The following BIRC6 variants were observed in gnomAD, a reference collection of about 807,000 sequenced individuals.
BIRC6 encodes the protein dual E2 ubiquitin-conjugating enzyme/E3 ubiquitin-protein ligase BIRC6.
In BIRC6, 98 loss-of-function variants were observed where a neutral mutation model predicts 503.3. The ratio of observed to expected loss-of-function variants is 0.19; its 90% CI spans 0.17 to 0.23. BIRC6 has a LOEUF of 0.23. Among genes scored for constraint, BIRC6 ranks in the 10% least tolerant of loss-of-function variants. BIRC6 has a pLI of 1.00. For synonymous variants in BIRC6, 2,240 were observed against 2,078.7 expected (o/e 1.08, Z -2.11); for missense variants, 5,360 against 5,806.0 (o/e 0.92, Z 2.50).
At chr2:32,471,324 C>T (rs1319445878) in intron 32 of BIRC6, among the ~76,000 whole-genome samples, 200 bp downstream of exon 32, 2 of 152,208 alleles carry the variant, frequency 1.3e-5, no homozygotes, top group African/African-American at 2.4e-5. Context: ...ACTTTATAGA[C>T]AAGCTCCTTT....
chr2:32,432,906 TGATA>T lies in BIRC6; in HGVS notation c.3249-734_3249-731del, dbSNP rs560896671. ...ATGATGGTTGTGGTGGGGAGGGCAG[TGATA>T]GATTGGTTTTAGTTTGGTTGCTGTT... On this transcript the variant is annotated intron_variant, in intron 12 of 73. Transcript: ENST00000421745. Among the ~76,000 whole-genome samples the T allele has an allele frequency of 7.3e-3, 1,109 of 152,248 alleles. 7 individuals carry two copies. Among genetic ancestry groups the T allele is most frequent in the Middle Eastern group, 0.014 (4 of 294 alleles).
intron 14 of BIRC6, 46 bp downstream of exon 14, chr2:32,435,631 G>C: frequency 6.6e-7 from 1 of 1,520,512 alleles, no homozygotes; most frequent in Non-Finnish European, 8.8e-7. Context: ...AAAAGGAGTA[G>C]TGATCTGAAT....
Position 32,503,173 on chromosome 2 carries a change from A to C in BIRC6, c.9436A>C (p.Lys3146Gln). 6.2e-7 allele frequency: 1 copy of C among 1,613,302 alleles called. No individual in the cohort carries two copies. The highest frequency in any genetic ancestry group is 8.5e-7 in the Non-Finnish European group (1 of 1,179,644). ...GPNKAVDSTL[K>Q]TRILASEPDN... ...AAATAAAGCTGTTGACAGCACATTGAAAACAAGAATACTAGCTTCTGAGCC... is the reference window on the plus strand; with the variant it reads ...AAATAAAGCTGTTGACAGCACATTGCAAACAAGAATACTAGCTTCTGAGCC... The change falls in exon 49 of 74, where the codon AAA becomes CAA. Residue 3146 changes from lysine (K) to glutamine (Q), a missense_variant. Coordinates refer to ENST00000421745, the MANE Select transcript of BIRC6 (RefSeq NM_016252.4).
At chr2:32,524,015 G>A (rs535906114) in intron 57 of BIRC6, among the ~76,000 whole-genome samples, 1 of 149,688 alleles carries the variant, frequency 6.7e-6, no homozygotes, top group Non-Finnish European at 1.5e-5. Context: ...CTGCACTCCA[G>A]CCTGGGCAAC....
At chr2:32,388,634 TGAA>T in intron 3 of BIRC6, 113 bp from the exon 4 acceptor site, 1 of 714,352 alleles carries the variant, frequency 1.4e-6, no homozygotes, top group Non-Finnish European at 2.1e-6. Context: ...GATAAACTAA[TGAA>T]GAAAACTGAC....
chr2:32,485,315 A>T (rs1257112692), intron 39 of BIRC6, among the ~76,000 whole-genome samples: 2 of 152,174 alleles, frequency 1.3e-5, no homozygotes, highest in Non-Finnish European at 2.9e-5. Flanking sequence ...CATAGGGTTC[A>T]TTTTAGCTTT....
At chr2:32,391,100 G>C (rs1304927552) in intron 4 of BIRC6, among the ~76,000 whole-genome samples, 2 of 152,224 alleles carry the variant, frequency 1.3e-5, no homozygotes, top group African/African-American at 4.8e-5. Flanking sequence ...GATTATAAAA[G>C]AGTCAGCTCT....
At chr2:32,479,183 A>T (rs147312475) in intron 36 of BIRC6, among the ~76,000 whole-genome samples, 2 of 152,150 alleles carry the variant, frequency 1.3e-5, no homozygotes, top group African/African-American at 4.8e-5. Flanking sequence ...TCTTTGTATA[A>T]GGTTGTTTTT....
At chr2:32,358,049 T>C (rs992695619) in intron 1 of BIRC6, among the ~76,000 whole-genome samples, 1 of 6,814 alleles carries the variant, frequency 1.5e-4, no homozygotes, top group Admixed American at 1.8e-3. Flanking sequence ...GGGGTGGGGG[T>C]GGGGTGGGTC....
intron 55 of BIRC6, among the ~76,000 whole-genome samples, chr2:32,517,601 ATC>A (rs1476253633): frequency 2.0e-5 from 3 of 152,028 alleles, no homozygotes; most frequent in Non-Finnish European, 2.9e-5. Context: ...GTGGGGCAGG[ATC>A]TCTCTCTGTT....
intron 37 of BIRC6, among the ~76,000 whole-genome samples, chr2:32,480,892 G>A (rs987311330): frequency 2.6e-5 from 4 of 151,688 alleles, no homozygotes; most frequent in African/African-American, 9.7e-5. Flanking sequence ...TACCTGCCTC[G>A]GCCTCCCAAA....
intron 39 of BIRC6, among the ~76,000 whole-genome samples, chr2:32,483,808 C>T (rs142969626): frequency 9.4e-4 from 142 of 151,426 alleles, no homozygotes; most frequent in African/African-American, 3.4e-3. Flanking sequence ...AATAATGCTC[C>T]CCCCCAACAT....
chr2:32,546,771 G>A (rs2058080135), intron 63 of BIRC6, among the ~76,000 whole-genome samples: 1 of 151,838 alleles, frequency 6.6e-6, no homozygotes, highest in South Asian at 2.1e-4. Context: ...TGAAAAATAT[G>A]TATAATACCT....
Position 32,468,061 on chromosome 2 carries a change from T to A in BIRC6, c.5730T>A (p.Ile1910=), listed in dbSNP as rs2048743446. 1 of 1,613,936 alleles carries A rather than the reference T, an allele frequency of 6.2e-7. No individual in the cohort carries two copies. The highest frequency in any genetic ancestry group is 8.5e-7 in the Non-Finnish European group (1 of 1,179,874). The change falls in exon 28 of 74, where the codon ATT becomes ATA. Residue 1910 remains isoleucine (I), a synonymous_variant. Transcript: ENST00000421745. ...GEGESANQPE[I]DQHLAMMVAL... is the part of the protein sequence containing the mutation. ...GAGAATCTGCAAACCAGCCAGAAATTGACCAGCATTTAGCAATGATGGTTG... is the reference window on the plus strand; with the variant it reads ...GAGAATCTGCAAACCAGCCAGAAATAGACCAGCATTTAGCAATGATGGTTG...
intron 55 of BIRC6, among the ~76,000 whole-genome samples, chr2:32,516,282 G>C (rs1384615388): frequency 1.3e-5 from 2 of 152,172 alleles, no homozygotes. Context: ...GGGAGGCTGA[G>C]GCGGGCAGAT....
intron 65 of BIRC6, among the ~76,000 whole-genome samples, chr2:32,572,418 T>G (rs1234680641): frequency 6.6e-6 from 1 of 152,212 alleles, no homozygotes; most frequent in Non-Finnish European, 1.5e-5. Context: ...AAAACAGTAT[T>G]GTATTGAACA....
intron 53 of BIRC6, among the ~76,000 whole-genome samples, chr2:32,511,372 C>T (rs1553474201): frequency 1.3e-5 from 2 of 151,000 alleles, no homozygotes; most frequent in South Asian, 4.2e-4. Flanking sequence ...CGCAGTGGTG[C>T]AATCTTGGCT....
In BIRC6 at chr2:32,545,466, C is replaced by T. The variant is rs528351217; in HGVS notation, c.12593-177C>T. Among the ~76,000 whole-genome samples the T allele has an allele frequency of 3.3e-5, 5 of 152,120 alleles. No individual in the cohort carries two copies. In the East Asian group the frequency reaches 7.7e-4, roughly 23 times the overall value. ...GTGTCTGACAGAGTTTTTCCTGATA[C>T]TTATTCGTTATTAAATTTTAAGATA... On this transcript the variant is annotated intron_variant, in intron 62 of 73. Coordinates refer to ENST00000421745, the MANE Select transcript of BIRC6 (RefSeq NM_016252.4).
chr2:32,569,123 G>T (rs1299533441), intron 65 of BIRC6, among the ~76,000 whole-genome samples: 4 of 151,678 alleles, frequency 2.6e-5, no homozygotes, highest in Non-Finnish European at 5.9e-5. Flanking sequence ...CCGAGTAGCT[G>T]GGTTTACAGA....
Sources: allele counts gnomAD v4.1 joint callset (sites outside exome capture counted in the v4.1 genomes callset), GRCh38; gene constraint gnomAD v4.1.1; transcripts MANE v1.5; gene names NCBI Gene and HGNC (gene_info 2026-07-23, HGNC 2026-07-21).